The following DLEC1 variants were observed in gnomAD, a reference collection of about 807,000 sequenced individuals.
DLEC1 encodes DLEC1 cilia and flagella associated protein, also known as deleted in lung and esophageal cancer protein 1.
A neutral mutation model predicts 198.1 loss-of-function variants in DLEC1; 146 were observed. That is an observed-to-expected ratio of 0.74 (90% CI 0.64 to 0.85). DLEC1 has a LOEUF of 0.85. DLEC1 is among the 40% of genes least tolerant of loss of function. The pLI is 0.00. For missense variants in DLEC1, 2,233 were observed against 2,220.0 expected (o/e 1.01, Z -0.12); for synonymous variants, 897 against 866.8 (o/e 1.03, Z -0.61).
chr3:38,114,676 G>A (rs1427424530), intron 26 of DLEC1, among the ~76,000 whole-genome samples: 1 of 152,226 alleles, frequency 6.6e-6, no homozygotes, highest in African/African-American at 2.4e-5. Flanking sequence ...TTGTGGGGCA[G>A]AAGTGGCGAG....
Position 38,082,404 on chromosome 3 carries a change from C to T in DLEC1, c.1174-1754C>T, listed in dbSNP as rs1698093292. Among the ~76,000 whole-genome samples the T allele has an allele frequency of 2.0e-5, 3 of 151,472 alleles. No homozygotes were observed. The South Asian group carries it at 6.3e-4, about 32-fold the overall frequency. On this transcript the variant is annotated intron_variant, in intron 6 of 36. Coordinates refer to ENST00000308059, the MANE Select transcript of DLEC1 (RefSeq NM_007335.4). ...CTTCCCAGACGGGGTGGCGGCCGGGCAGAGGCTGCAATCTCGGCACTTTGG... is the reference window on the plus strand; with the variant it reads ...CTTCCCAGACGGGGTGGCGGCCGGGTAGAGGCTGCAATCTCGGCACTTTGG...
At chr3:38,048,695 G>A (rs1239516611) in intron 2 of DLEC1, among the ~76,000 whole-genome samples, 1 of 152,194 alleles carries the variant, frequency 6.6e-6, no homozygotes, top group East Asian at 1.9e-4. Flanking sequence ...TCTATCGGGA[G>A]GAGGAAGGAT....
At position 38,109,573 on chromosome 3, in the gene DLEC1, G is replaced by A. The variant is rs191082319; in HGVS notation, c.3260+11G>A. 14 of 1,614,038 alleles carry A rather than the reference G, an allele frequency of 8.7e-6. No homozygotes were observed. The East Asian group carries it at 2.9e-4, about 33-fold the overall frequency. The stretch of plus-strand genomic sequence containing the variant: ...GAGCTCTGATTGCAGGTGAGCCCAG[G>A]GTTGGTGGTCTGGGGGTGGCAGTGG... On this transcript the variant is annotated intron_variant, in intron 22 of 36. Transcript: ENST00000308059.
chr3:38,110,114 A>T lies in DLEC1; in HGVS notation c.3276A>T (p.Pro1092=), dbSNP rs1162322696. The T allele has an allele frequency of 1.2e-6, 2 of 1,613,934 alleles. No individual in the cohort carries two copies. The highest frequency in any genetic ancestry group is 1.7e-6 in the Non-Finnish European group (2 of 1,180,032). Reference sequence around the variant, plus strand: ...GTGTTTTCAGCACAGAGCAGTGGCCAGGCCACCCAAAGGAGCTCCGCCTGG... The same window carrying T: ...GTGTTTTCAGCACAGAGCAGTGGCCTGGCCACCCAAAGGAGCTCCGCCTGG... ...ESSDCSTEQW[P]GHPKELRLDF... is the part of the protein sequence containing the mutation. Residue 1092 remains proline, a synonymous_variant, in exon 23 of 37, where the codon CCA becomes CCT. Transcript: ENST00000308059.
chr3:38,122,191 C>T lies in DLEC1; in HGVS notation c.5141C>T (p.Ala1714Val). 2 of 1,613,872 alleles carry T rather than the reference C, an allele frequency of 1.2e-6. No homozygotes were observed. The highest frequency in any genetic ancestry group is 1.7e-6 in the Non-Finnish European group (2 of 1,179,870). ...TSIALQVFFT[A>V]RSSELYESTM... ...ATCGCCTTGCAGGTTTTCTTCACTG[C>T]CAGGTGCAGCCCCTTCCAACCTTCC... Residue 1714 changes from alanine to valine, a missense_variant, in exon 36 of 37, where the codon GCC becomes GTC. Transcript: ENST00000308059.
chr3:38,073,296 G>A (rs987972395), intron 6 of DLEC1, among the ~76,000 whole-genome samples: 15 of 152,208 alleles, frequency 9.9e-5, no homozygotes, highest in African/African-American at 1.4e-4. Flanking sequence ...TCTGGTTTTT[G>A]GACAGGTAAA....
intron 2 of DLEC1, among the ~76,000 whole-genome samples, chr3:38,053,953 G>A (rs1382310155): frequency 6.6e-6 from 1 of 152,062 alleles, no homozygotes; most frequent in Non-Finnish European, 1.5e-5. Context: ...ATGGATTAAG[G>A]GCGGTGCAAG....
In DLEC1 at chr3:38,107,682, C is replaced by A; in HGVS notation, c.2963C>A (p.Thr988Lys). The A allele has an allele frequency of 6.2e-7, 1 of 1,614,150 alleles. No individual in the cohort carries two copies. Among genetic ancestry groups the A allele is most frequent in the Non-Finnish European group, 8.5e-7 (1 of 1,180,026 alleles). Residue 988 changes from threonine to lysine, a missense_variant, in exon 20 of 37, where the codon ACA (threonine) becomes AAA (lysine). Thr to Lys is a moderately conservative substitution (Grantham distance 78). Coordinates refer to ENST00000308059, the MANE Select transcript of DLEC1 (RefSeq NM_007335.4). ...CTCTACCTGGGTGTGCCCACGAAGA[C>A]AACCATCACACTTATCAATGGCACG... ...RNLYLGVPTK[T>K]TITLINGTLL...
At position 38,116,552 on chromosome 3, in the gene DLEC1, A is replaced by G. The variant is rs752541868; in HGVS notation, c.3956A>G (p.Gln1319Arg). Reference protein sequence around the residue: ...FYGPPFPLRDQAGNELVCPDT... With the variant: ...FYGPPFPLRDRAGNELVCPDT... Reference sequence around the variant, plus strand: ...GGGCCACCTTTCCCGCTGCGGGACCAAGCCGGGAATGAGCTTGTGTGCCCT... The same window carrying G: ...GGGCCACCTTTCCCGCTGCGGGACCGAGCCGGGAATGAGCTTGTGTGCCCT... Residue 1319 changes from glutamine (Q) to arginine (R), a missense_variant, in exon 28 of 37, where the codon CAA becomes CGA. Coordinates refer to ENST00000308059, the MANE Select transcript of DLEC1 (RefSeq NM_007335.4). 6.2e-6 allele frequency: 10 copies of G among 1,614,126 alleles called. No individual in the cohort carries two copies. The highest frequency in any genetic ancestry group is 8.5e-6 in the Non-Finnish European group (10 of 1,179,996).
At chr3:38,118,969 G>T (rs939177907) in intron 33 of DLEC1, among the ~76,000 whole-genome samples, 1 of 152,136 alleles carries the variant, frequency 6.6e-6, no homozygotes, top group Non-Finnish European at 1.5e-5. Flanking sequence ...ACACGGATCT[G>T]CAGAAGACAG....
At position 38,094,969 on chromosome 3, in the gene DLEC1, G is replaced by A. The variant is rs768490949; in HGVS notation, c.2010G>A (p.Lys670=). The A allele has an allele frequency of 8.1e-6, 13 of 1,614,226 alleles. 1 individual carries two copies. The South Asian group carries it at 1.4e-4, about 18-fold the overall frequency. Residue 670 remains lysine (K), a synonymous_variant, in exon 13 of 37, where the codon AAG becomes AAA. Transcript: ENST00000308059. ...PGETFSMDSI[K]CYPDKETAFS... ...AAACCTTCAGCATGGACAGCATCAA[G>A]TGCTACCCCGACAAGGAGACTGCCT...
In DLEC1 at chr3:38,100,278, C is replaced by T. The variant is rs374249103; in HGVS notation, c.2725-8C>T. 20 of 1,603,726 alleles carry T rather than the reference C, an allele frequency of 1.2e-5. No individual in the cohort carries two copies. Among genetic ancestry groups the T allele is most frequent in the Non-Finnish European group, 1.4e-5 (16 of 1,175,932 alleles). On this transcript the variant is annotated splice_region_variant and splice_polypyrimidine_tract_variant and intron_variant, in intron 18 of 36. Transcript: ENST00000308059. ...AGTGCTCATCCTCCTGAGTGTTCTC[C>T]GGGGCAGGTGTCTCCCTTCGACATT... is the stretch of plus-strand genomic sequence containing the variant.
intron 10 of DLEC1, among the ~76,000 whole-genome samples, chr3:38,090,706 G>A (rs1013674787): frequency 2.0e-5 from 3 of 152,204 alleles, no homozygotes; most frequent in South Asian, 2.1e-4. Flanking sequence ...CTTACCATGC[G>A]GATTGTACCA....
intron 2 of DLEC1, among the ~76,000 whole-genome samples, chr3:38,049,876 C>T (rs975829748): frequency 1.3e-5 from 2 of 152,140 alleles, no homozygotes; most frequent in Non-Finnish European, 2.9e-5. Context: ...TTGCTGTTAC[C>T]GCCTGCTAAA....
At chr3:38,053,634 G>GGCCA (rs1701262601) in intron 2 of DLEC1, among the ~76,000 whole-genome samples, 2 of 101,716 alleles carry the variant, frequency 2.0e-5, no homozygotes, top group Admixed American at 9.5e-5. Context: ...GCCTCTGCCC[G>GGCCA]GCCGCCCCTT....
Position 38,110,075 on chromosome 3 carries a change from A to T in DLEC1, c.3261-24A>T, listed in dbSNP as rs150976125. ...AAGGGTGGTGTGTTACATAGTACCA[A>T]TGGGCACAGGACAGTGTTTTCAGCA... On this transcript the variant is annotated intron_variant, in intron 22 of 36. Coordinates refer to ENST00000308059, the MANE Select transcript of DLEC1 (RefSeq NM_007335.4). The T allele has an allele frequency of 1.9e-6, 3 of 1,612,192 alleles. No individual in the cohort carries two copies. The African/African-American group carries it at 4.0e-5, about 22-fold the overall frequency.
intron 8 of DLEC1, among the ~76,000 whole-genome samples, 170 bp downstream of exon 8, chr3:38,085,617 G>A (rs1698412174): frequency 1.3e-5 from 2 of 152,060 alleles, no homozygotes; most frequent in South Asian, 4.1e-4. Flanking sequence ...CATCCACAGT[G>A]TCAAGCCATG....
rs374914611 is a variant in DLEC1 at position 38,111,772 on chromosome 3, C to T, written c.3514+25C>T. On this transcript the variant is annotated intron_variant, in intron 24 of 36. Transcript: ENST00000308059. ...GGTAAGCGCCACCAGGGTGGGGCTTCGGGGCCCAGGCCACGGCCAGAGCCA... is the reference window on the plus strand; with the variant it reads ...GGTAAGCGCCACCAGGGTGGGGCTTTGGGGCCCAGGCCACGGCCAGAGCCA... 1,066 of 1,604,550 alleles carry T rather than the reference C, an allele frequency of 6.6e-4. 1 individual carries two copies. The highest frequency in any genetic ancestry group is 8.4e-4 in the Non-Finnish European group (994 of 1,178,518).
Position 38,110,211 on chromosome 3 carries a change from C to A in DLEC1, c.3373C>A (p.Arg1125=). Residue 1125 remains arginine, a synonymous_variant, in exon 23 of 37, where the codon CGG becomes AGG. Coordinates refer to ENST00000308059, the MANE Select transcript of DLEC1 (RefSeq NM_007335.4). ...CATTCTCACCAATCGCTCCCCAATA[C>A]GGACCCGTTTCTCCCTCAAGTTTGA... ...QLILTNRSPI[R]TRFSLKFEYF... is the part of the protein sequence containing the mutation. 6.2e-7 allele frequency: 1 copy of A among 1,614,188 alleles called. No homozygotes were observed. The highest frequency in any genetic ancestry group is 8.5e-7 in the Non-Finnish European group (1 of 1,180,046).
Sources: gnomAD v4.1 joint callset for allele counts (sites outside exome capture counted in the v4.1 genomes callset) on GRCh38, gnomAD v4.1.1 for gene constraint, MANE v1.5 for transcripts, NCBI Gene and HGNC (gene_info 2026-07-23, HGNC 2026-07-21) for gene names.